The following CPAMD8 variants were observed in gnomAD, a reference collection of about 807,000 sequenced individuals.
CPAMD8 encodes the protein C3 and PZP like alpha-2-macroglobulin domain containing 8.
In CPAMD8, 146 loss-of-function variants were observed where a neutral mutation model predicts 224.7. The ratio of observed to expected loss-of-function variants is 0.65; its 90% CI spans 0.57 to 0.75. CPAMD8 has a LOEUF of 0.75. CPAMD8 is among the 30% of genes least tolerant of loss of function. The pLI is 0.00. For missense variants in CPAMD8, 2,301 were observed against 2,537.5 expected (o/e 0.91, Z 2.00); for synonymous variants, 966 against 1,044.6 (o/e 0.92, Z 1.45).
At chr19:16,901,146 G>A in intron 36 of CPAMD8, 64 bp downstream of exon 36, 2 of 1,124,574 alleles carry the variant, frequency 1.8e-6, no homozygotes, top group East Asian at 2.6e-5. Flanking sequence ...CTGACCCTGG[G>A]TGCCTAAGCC....
chr19:16,993,664 C>T (rs778563551), intron 11 of CPAMD8, 78 bp from the exon 12 acceptor site: 228 of 1,316,724 alleles, frequency 1.7e-4, no homozygotes, highest in Non-Finnish European at 2.3e-4. Context: ...CAACGCAATC[C>T]CCACTGGAAT....
In CPAMD8 at chr19:16,980,355, T is replaced by C. The variant is rs8100694; in HGVS notation, c.1585+142A>G. ...TGTCTTCCTGGACCCAGTCTGGTATTGTTAAGGATGTGTCCCCTCTGACCC... is the reference window on the plus strand; with the variant it reads ...TGTCTTCCTGGACCCAGTCTGGTATCGTTAAGGATGTGTCCCCTCTGACCC... On this transcript the variant is annotated intron_variant, in intron 14 of 41. Coordinates refer to ENST00000443236, the MANE Select transcript of CPAMD8 (RefSeq NM_015692.5). The C allele has an allele frequency of 3.4e-4, 236 of 689,052 alleles. No individual in the cohort carries two copies. The African/African-American group carries it at 3.9e-3, about 11-fold the overall frequency. The allele number at this position is 689,052 out of a possible 1,614,324, so 42.7% of individuals were successfully genotyped here.
At chr19:17,004,234 A>G in intron 8 of CPAMD8, 39 bp downstream of exon 8, 1 of 1,402,574 alleles carries the variant, frequency 7.1e-7, no homozygotes, top group East Asian at 2.3e-5. Flanking sequence ...GGTTTCTCCC[A>G]GATCTGAAAT....
chr19:16,980,019 C>A (rs560396299), intron 14 of CPAMD8, among the ~76,000 whole-genome samples: 2 of 152,220 alleles, frequency 1.3e-5, no homozygotes, highest in African/African-American at 4.8e-5. Flanking sequence ...ACAGGACGCC[C>A]CCACTCTGGA....
chr19:16,930,731 C>G (rs1456908022), intron 23 of CPAMD8, among the ~76,000 whole-genome samples: 1 of 152,156 alleles, frequency 6.6e-6, no homozygotes, highest in Non-Finnish European at 1.5e-5. Context: ...TGCAAAGATA[C>G]TGTTCCAGAG....
Position 17,008,421 on chromosome 19 carries a change from G to A in CPAMD8, c.559+84C>T, listed in dbSNP as rs182965981. The A allele has an allele frequency of 5.2e-4, 788 of 1,511,116 alleles. 3 individuals carry two copies. In the Middle Eastern group the frequency reaches 8.5e-3, roughly 16 times the overall value. 93.6% of individuals were successfully genotyped at this position (1,511,116 alleles called of 1,614,324 possible). Reference sequence around the variant, plus strand: ...GGAGCAGCAGTGGGGGTACATTAGCGGTGGGCCCTGGACAGAGCATATTCT... The same window carrying A: ...GGAGCAGCAGTGGGGGTACATTAGCAGTGGGCCCTGGACAGAGCATATTCT... On this transcript the variant is annotated intron_variant, in intron 7 of 41. Transcript: ENST00000443236.
In CPAMD8 at chr19:17,026,732, C is replaced by T. The variant is rs941515785; in HGVS notation, c.-90G>A. 1.2e-4 allele frequency: 150 copies of T among 1,215,318 alleles called. No individual in the cohort carries two copies. Among genetic ancestry groups the T allele is most frequent in the Non-Finnish European group, 1.5e-4 (144 of 978,100 alleles). 75.3% of individuals were successfully genotyped at this position (1,215,318 alleles called of 1,614,324 possible). A position where few individuals can be genotyped will look rare whatever the true frequency, so the allele number is the denominator to read the frequency against. ...GGTCCGAGCGCGGCCGTCCTCGCGC[C>T]GCCGCCGGGGGCCCTTTGTTCGCAG... On this transcript the variant is annotated 5_prime_UTR_variant, in exon 1 of 42. Transcript: ENST00000443236.
intron 17 of CPAMD8, among the ~76,000 whole-genome samples, chr19:16,974,569 A>G (rs1268886910): frequency 6.6e-6 from 1 of 151,928 alleles, no homozygotes. Flanking sequence ...AGTTCAAGTT[A>G]CCCATTTGAA....
intron 22 of CPAMD8, among the ~76,000 whole-genome samples, chr19:16,939,979 C>T (rs2053832703): frequency 1.3e-5 from 2 of 151,898 alleles, no homozygotes; most frequent in South Asian, 4.1e-4. Context: ...ATGGCGCGAT[C>T]TCGGTTCACT....
chr19:16,977,597 T>A, intron 14 of CPAMD8, 57 bp from the exon 15 acceptor site: 1 of 1,354,596 alleles, frequency 7.4e-7, no homozygotes, highest in Non-Finnish European at 1.0e-6. Context: ...ACATGCAACC[T>A]CAGCCATTCA....
At chr19:17,022,005 C>T in intron 2 of CPAMD8, 25 bp downstream of exon 2, 1 of 1,569,560 alleles carries the variant, frequency 6.4e-7, no homozygotes, top group Non-Finnish European at 8.6e-7. Context: ...AGGGGAAGTC[C>T]TGGTCTGGCA....
In CPAMD8 at chr19:16,897,568, C is replaced by G. The variant is rs190060130; in HGVS notation, c.5065+123G>C. The G allele has an allele frequency of 1.0e-3, 619 of 603,728 alleles. 2 individuals are homozygous for G. In the African/African-American group the frequency reaches 0.012, roughly 11 times the overall value. The allele number at this position is 603,728 out of a possible 1,614,324, so 37.4% of individuals were successfully genotyped here. ...CGCCCGCCCACCTCTATGCTGCGTT[C>G]TCCTGACTTTACGTTGGCCCCTCCT... On this transcript the variant is annotated intron_variant, in intron 39 of 41. Transcript: ENST00000443236.
intron 13 of CPAMD8, among the ~76,000 whole-genome samples, chr19:16,984,333 AG>A (rs2055635701): frequency 1.9e-3 from 167 of 88,798 alleles, no homozygotes; most frequent in African/African-American, 0.017. Context: ...AAAAAAAAAG[AG>A]AGAGAGAGAG....
Position 16,904,491 on chromosome 19 carries a change from G to T in CPAMD8, c.4089C>A (p.Ser1363Arg), listed in dbSNP as rs2052391638. ...SWDVDKGTFL[S>R]FSDRVSQSVV... ...CTGACTGAGAGACCCTGTCACTGAAGCTCAAGAATGTGCCCTTGTCCACGT... is the reference window on the plus strand; with the variant it reads ...CTGACTGAGAGACCCTGTCACTGAATCTCAAGAATGTGCCCTTGTCCACGT... The change falls in exon 31 of 42, where the codon AGC (serine) becomes AGA (arginine). Residue 1363 changes from serine to arginine, a missense_variant. Around this residue, in one of 4 missense-constraint regions of CPAMD8, gnomAD observed 1,709 missense variants for 1,753.2 expected, o/e 0.97. Transcript: ENST00000443236. 5.0e-6 allele frequency: 8 copies of T among 1,614,112 alleles called. No individual in the cohort carries two copies. The highest frequency in any genetic ancestry group is 6.8e-6 in the Non-Finnish European group (8 of 1,179,936).
At chr19:16,915,816 C>T (rs935367482) in intron 27 of CPAMD8, among the ~76,000 whole-genome samples, 17 of 134,340 alleles carry the variant, frequency 1.3e-4, no homozygotes, top group Admixed American at 1.6e-4. Flanking sequence ...TGCCCGCCTG[C>T]CCGCCTGCCT....
intron 41 of CPAMD8, chr19:16,894,921 AACACACACACAC>A (rs3032709): frequency 0.011 from 1,609 of 151,692 alleles, 36 homozygotes; most frequent in African/African-American, 0.042. Flanking sequence ...CCATCTCTAC[AACACACACACAC>A]ACACACACAC....
intron 18 of CPAMD8, among the ~76,000 whole-genome samples, chr19:16,961,873 T>C (rs936403170): frequency 6.6e-6 from 1 of 152,172 alleles, no homozygotes; most frequent in Non-Finnish European, 1.5e-5. Context: ...TTCTGCAGCC[T>C]CCACTGGTGA....
At chr19:16,939,983 G>A (rs1009253702) in intron 22 of CPAMD8, among the ~76,000 whole-genome samples, 3 of 151,926 alleles carry the variant, frequency 2.0e-5, no homozygotes, top group Non-Finnish European at 2.9e-5. Context: ...CGCGATCTCG[G>A]TTCACTACAA....
intron 17 of CPAMD8, among the ~76,000 whole-genome samples, chr19:16,972,437 G>T (rs929580370): frequency 2.6e-5 from 4 of 152,004 alleles, no homozygotes; most frequent in Non-Finnish European, 5.9e-5. Context: ...TTGTGAACAA[G>T]AATTTTTTTT....
Sources: allele counts gnomAD v4.1 joint callset (sites outside exome capture counted in the v4.1 genomes callset), GRCh38; gene constraint gnomAD v4.1.1; regional missense constraint gnomAD v4.1.1; transcripts MANE v1.5; gene names NCBI Gene and HGNC (gene_info 2026-07-23, HGNC 2026-07-21).